Variants in CUX2 observed in about 807,000 individuals in gnomAD.
CUX2 encodes cut like homeobox 2, also known as homeobox protein cut-like 2.
CUX2 carries 40 observed loss-of-function variants against 144.8 expected under a neutral mutation model. The ratio of observed to expected loss-of-function variants is 0.28; its 90% CI spans 0.21 to 0.36. The LOEUF (loss-of-function observed/expected upper bound fraction) is 0.36. CUX2 is among the 10% of genes least tolerant of loss of function. The probability of loss-of-function intolerance (pLI) is 1.00; values close to 1 mark genes in which losing one functional copy is unlikely to be tolerated. For missense variants in CUX2, 1,615 were observed against 1,994.0 expected (o/e 0.81, Z 3.62); for synonymous variants, 827 against 875.6 (o/e 0.94, Z 0.98).
At chr12:111,281,844 G>A (rs1392975950) in intron 4 of CUX2, among the ~76,000 whole-genome samples, 4 of 152,164 alleles carry the variant, frequency 2.6e-5, no homozygotes, top group Non-Finnish European at 5.9e-5. Context: ...GAAGGCCCGT[G>A]AAGGAAAGAG....
chr12:111,239,051 G>A (rs1882895284), intron 3 of CUX2, among the ~76,000 whole-genome samples: 1 of 152,046 alleles, frequency 6.6e-6, no homozygotes. Context: ...TCTCTAAATA[G>A]ATAAATAAAT....
At chr12:111,290,138 A>G (rs1441168880) in intron 4 of CUX2, among the ~76,000 whole-genome samples, 4 of 152,220 alleles carry the variant, frequency 2.6e-5, no homozygotes. Flanking sequence ...AGTGCCACAG[A>G]TAGCATCATA....
chr12:111,323,760 T>C (rs1417591363), intron 18 of CUX2, among the ~76,000 whole-genome samples: 1 of 151,828 alleles, frequency 6.6e-6, no homozygotes, highest in Non-Finnish European at 1.5e-5. Flanking sequence ...TAAGACCTTG[T>C]CTCAGAAAAA....
intron 1 of CUX2, among the ~76,000 whole-genome samples, chr12:111,093,771 T>G (rs1872668049): frequency 1.3e-5 from 2 of 152,348 alleles, no homozygotes; most frequent in South Asian, 4.1e-4. Flanking sequence ...CTATCTTCTT[T>G]TTCTTTTAAA....
intron 3 of CUX2, among the ~76,000 whole-genome samples, chr12:111,258,581 A>T (rs1288791387): frequency 1.3e-5 from 2 of 149,636 alleles, no homozygotes; most frequent in East Asian, 4.0e-4. Flanking sequence ...ATTGCCTTGA[A>T]ACGAGACTGA....
chr12:111,124,404 A>G (rs1874906010), intron 1 of CUX2, among the ~76,000 whole-genome samples: 3 of 152,232 alleles, frequency 2.0e-5, no homozygotes, highest in Non-Finnish European at 2.9e-5. Flanking sequence ...TGGGAAGCCC[A>G]GTAAGGCCTA....
chr12:111,167,169 G>C (rs191254722), intron 1 of CUX2, among the ~76,000 whole-genome samples: 2 of 152,284 alleles, frequency 1.3e-5, no homozygotes, highest in African/African-American at 4.8e-5. Flanking sequence ...CTTTCTGCCA[G>C]GACTTGAGCT....
At chr12:111,149,696 A>G (rs1232462621) in intron 1 of CUX2, among the ~76,000 whole-genome samples, 1 of 152,210 alleles carries the variant, frequency 6.6e-6, no homozygotes, top group Non-Finnish European at 1.5e-5. Flanking sequence ...CAGGTTGTGC[A>G]AAAGAGGTCA....
At chr12:111,224,246 A>G (rs1484855503) in intron 3 of CUX2, among the ~76,000 whole-genome samples, 2 of 152,090 alleles carry the variant, frequency 1.3e-5, no homozygotes, top group African/African-American at 2.4e-5. Flanking sequence ...CACCAAGACA[A>G]TCGTCGGTGG....
intron 1 of CUX2, among the ~76,000 whole-genome samples, chr12:111,076,745 G>A (rs1403555879): frequency 6.6e-6 from 1 of 152,160 alleles, no homozygotes; most frequent in Non-Finnish European, 1.5e-5. Flanking sequence ...AATCAGGTCA[G>A]CCGTTGACTA....
At chr12:111,182,036 C>G (rs945751303) in intron 1 of CUX2, among the ~76,000 whole-genome samples, 1 of 152,046 alleles carries the variant, frequency 6.6e-6, no homozygotes, top group East Asian at 1.9e-4. Flanking sequence ...GGGAGGCGCA[C>G]AGGGAGGTGG....
At chr12:111,297,836 A>G (rs945012327) in intron 8 of CUX2, among the ~76,000 whole-genome samples, 2 of 152,152 alleles carry the variant, frequency 1.3e-5, no homozygotes, top group African/African-American at 4.8e-5. Flanking sequence ...TTCTTGGCAC[A>G]TGGCAAATGC....
At chr12:111,148,483 T>C (rs1277223042) in intron 1 of CUX2, among the ~76,000 whole-genome samples, 1 of 152,218 alleles carries the variant, frequency 6.6e-6, no homozygotes, top group Non-Finnish European at 1.5e-5. Context: ...ATGTATTTAA[T>C]GCCACAGAAC....
chr12:111,110,140 C>T (rs539318177), intron 1 of CUX2, among the ~76,000 whole-genome samples: 4 of 151,966 alleles, frequency 2.6e-5, no homozygotes, highest in Non-Finnish European at 5.9e-5. Flanking sequence ...ACCTCAGCCT[C>T]CTGAAGTGCT....
rs538146797 is a variant in CUX2, at chr12:111,260,428, C to G, written c.223-3333C>G. 6.6e-5 allele frequency among the ~76,000 whole-genome samples: 10 copies of G among 152,134 alleles called. No homozygotes were observed. The South Asian group carries it at 2.1e-3, about 32-fold the overall frequency. ...GCAGTGAGCCAAGATCGTGCCACTG[C>G]ACTCCAGCCTGGGCTACAGAGCGAG... On this transcript the variant is annotated intron_variant, in intron 3 of 21. Transcript: ENST00000261726.
At chr12:111,330,736 T>TAC (rs1888084085) in intron 18 of CUX2, among the ~76,000 whole-genome samples, 1 of 58,012 alleles carries the variant, frequency 1.7e-5, no homozygotes, top group African/African-American at 7.0e-5. Flanking sequence ...TATATATATA[T>TAC]ATATATATAT....
chr12:111,308,588 C>T (rs1886718681), intron 14 of CUX2, 62 bp downstream of exon 14: 3 of 1,375,304 alleles, frequency 2.2e-6, no homozygotes, highest in Middle Eastern at 1.9e-4. Context: ...GGGTCTCTGG[C>T]CTTCTCATGC....
chr12:111,215,003 A>G (rs140325366), intron 2 of CUX2, among the ~76,000 whole-genome samples: 62 of 148,624 alleles, frequency 4.2e-4, no homozygotes, highest in Non-Finnish European at 8.0e-4. Flanking sequence ...ATGAGAATAA[A>G]CATAAATAGA....
chr12:111,279,265 G>T (rs1885013365), intron 4 of CUX2, among the ~76,000 whole-genome samples: 1 of 152,204 alleles, frequency 6.6e-6, no homozygotes, highest in Non-Finnish European at 1.5e-5. Flanking sequence ...CAGGAGAGAA[G>T]TAGGTTAGAC....
Sources: gnomAD v4.1 joint callset for allele counts (sites outside exome capture counted in the v4.1 genomes callset) on GRCh38, gnomAD v4.1.1 for gene constraint, MANE v1.5 for transcripts, NCBI Gene and HGNC (gene_info 2026-07-23, HGNC 2026-07-21) for gene names.